STXBP5: variants seen among roughly 807,000 people sequenced by gnomAD.
STXBP5 encodes syntaxin binding protein 5, also known as syntaxin-binding protein 5.
Under a neutral mutation model 152.4 loss-of-function variants are expected in STXBP5, and 50 were observed. That is an observed-to-expected ratio of 0.33 (90% CI 0.26 to 0.42). The LOEUF (loss-of-function observed/expected upper bound fraction) is 0.42, where lower values mean the gene tolerates loss of function less well. Among genes scored for constraint, STXBP5 ranks in the 10% least tolerant of loss-of-function variants. The pLI, the probability that STXBP5 is intolerant of heterozygous loss-of-function variation, is 1.00. For synonymous variants in STXBP5, 492 were observed against 494.7 expected (o/e 0.99, Z 0.07); for missense variants, 1,167 against 1,388.6 (o/e 0.84, Z 2.54).
At chr6:147,209,254 G>A (rs551659373) in intron 2 of STXBP5, among the ~76,000 whole-genome samples, 13 of 152,104 alleles carry the variant, frequency 8.5e-5, no homozygotes, top group Admixed American at 3.9e-4. Flanking sequence ...AATTATTATC[G>A]AAGAACCTCA....
rs556809898 is a variant in STXBP5, at chr6:147,273,334, A to T, written c.715-4747A>T. On this transcript the variant is annotated intron_variant, in intron 7 of 27. Transcript: ENST00000321680. ...AGCTATGATCACAACACTGCATTCC[A>T]GCCCTGGTGACAGAGCAAGACCCTG... Among the ~76,000 whole-genome samples the T allele has an allele frequency of 3.9e-5, 6 of 152,268 alleles. No individual in the cohort carries two copies. The East Asian group carries it at 7.7e-4, about 20-fold the overall frequency.
chr6:147,272,372 C>T (rs1469762485), intron 7 of STXBP5, among the ~76,000 whole-genome samples: 1 of 152,102 alleles, frequency 6.6e-6, no homozygotes, highest in African/African-American at 2.4e-5. Context: ...CGTTAATATT[C>T]AAAATGAAAA....
chr6:147,327,217 C>G lies in STXBP5; in HGVS notation c.2021C>G (p.Ser674Cys). Residue 674 changes from serine (S) to cysteine (C), a missense_variant, in exon 18 of 28, where the codon TCT (serine) becomes TGT (cysteine). Ser to Cys is a moderately radical substitution (Grantham distance 112). Coordinates refer to ENST00000321680, the MANE Select transcript of STXBP5 (RefSeq NM_001127715.4). ...CTGGGCACTATTGAATTATATGGCT[C>G]TAATGATCCTTATCGGAGAGAACCC... Reference protein sequence around the residue: ...LNLGTIELYGSNDPYRREPRS... With the variant: ...LNLGTIELYGCNDPYRREPRS... 6.2e-7 allele frequency: 1 copy of G among 1,614,070 alleles called. No homozygotes were observed. The highest frequency in any genetic ancestry group is 8.5e-7 in the Non-Finnish European group (1 of 1,179,996).
Position 147,364,160 on chromosome 6 carries a change from T to C in STXBP5, c.3075T>C (p.Asn1025=). ...CTTATAGTCAAGAGACCTGTGAAAATCTTCAGGTAATTAATAAAAATATTA... is the reference window on the plus strand; with the variant it reads ...CTTATAGTCAAGAGACCTGTGAAAACCTTCAGGTAATTAATAAAAATATTA... ...RLTYSQETCE[N]LQEMLGELFT... is the part of the protein sequence containing the mutation. The change falls in exon 25 of 28, where the codon AAT becomes AAC. Residue 1025 remains asparagine (N), a synonymous_variant. Transcript: ENST00000321680. The C allele has an allele frequency of 6.2e-7, 1 of 1,611,430 alleles. No homozygotes were observed. Among genetic ancestry groups the C allele is most frequent in the Non-Finnish European group, 8.5e-7 (1 of 1,179,116 alleles).
intron 8 of STXBP5, among the ~76,000 whole-genome samples, chr6:147,278,551 A>G (rs1240234413): frequency 2.0e-5 from 3 of 152,184 alleles, no homozygotes; most frequent in East Asian, 1.9e-4. Flanking sequence ...TGTCAGTTGC[A>G]GGTTGTTAAT....
intron 17 of STXBP5, among the ~76,000 whole-genome samples, chr6:147,325,914 AT>A: frequency 6.6e-6 from 1 of 152,362 alleles, no homozygotes; most frequent in African/African-American, 2.4e-5. Flanking sequence ...ATTAAAAAAA[AT>A]TTTTAAATAC....
chr6:147,263,418 C>G (rs1779739777), intron 6 of STXBP5, among the ~76,000 whole-genome samples: 1 of 148,872 alleles, frequency 6.7e-6, no homozygotes, highest in Non-Finnish European at 1.5e-5. Context: ...TCTTAAACAC[C>G]TGGGCTCAAG....
chr6:147,372,406 C>CT lies in STXBP5; in HGVS notation c.3082-1325_3082-1324insT, dbSNP rs1583009383. Among the ~76,000 whole-genome samples the CT allele has an allele frequency of 4.5e-3, 175 of 39,104 alleles. 79 individuals carry two copies. In the Middle Eastern group the frequency reaches 0.081, roughly 18 times the overall value. 25.7% of individuals were successfully genotyped at this position (39,104 alleles called of 152,430 possible). On this transcript the variant is annotated intron_variant, in intron 25 of 27. Transcript: ENST00000321680. ...ATATAAATGTTACTACCGTCCTTTT[C>CT]CTTTTTTTTTTTTTTTTTTTTTTTT...
chr6:147,335,411 G>A (rs1239131081), intron 19 of STXBP5, among the ~76,000 whole-genome samples: 2 of 152,074 alleles, frequency 1.3e-5, no homozygotes, highest in African/African-American at 4.8e-5. Flanking sequence ...AAATGCATTT[G>A]TCAATATGTT....
chr6:147,292,560 TTTTA>T (rs1438440829), intron 9 of STXBP5: 2 of 154,050 alleles, frequency 1.3e-5, no homozygotes, highest in Non-Finnish European at 1.4e-5. Flanking sequence ...ACCAATTGAT[TTTTA>T]TTTGTTACAT....
intron 13 of STXBP5, 49 bp downstream of exon 13, chr6:147,314,380 AATTG>A (rs1483098474): frequency 6.7e-7 from 1 of 1,502,568 alleles, no homozygotes; most frequent in East Asian, 2.3e-5. Flanking sequence ...AGCTAAATAT[AATTG>A]ATTGAGACTA....
intron 23 of STXBP5, among the ~76,000 whole-genome samples, chr6:147,361,180 C>T (rs1785048687): frequency 6.6e-6 from 1 of 152,006 alleles, no homozygotes; most frequent in Non-Finnish European, 1.5e-5. Flanking sequence ...TTTGGGGTTA[C>T]TTTTATTTTC....
intron 9 of STXBP5, among the ~76,000 whole-genome samples, chr6:147,303,852 T>C (rs1304601362): frequency 6.6e-6 from 1 of 152,194 alleles, no homozygotes; most frequent in African/African-American, 2.4e-5. Flanking sequence ...TACTGTGCTT[T>C]AGCAAAGAGA....
rs1786360474 is a variant in STXBP5 at position 147,386,804 on chromosome 6, A to T, written c.*2049A>T. ...ATGGATTTGAAGAAGTTGGGAAAGC[A>T]TTATGTAGATTAATATACTGGTTGG... is the stretch of plus-strand genomic sequence containing the variant. On this transcript the variant is annotated 3_prime_UTR_variant, in exon 28 of 28. Coordinates refer to ENST00000321680, the MANE Select transcript of STXBP5 (RefSeq NM_001127715.4). The T allele has an allele frequency of 6.6e-6, 1 of 151,794 alleles. No homozygotes were observed. The highest frequency in any genetic ancestry group is 1.5e-5 in the Non-Finnish European group (1 of 67,772). The allele number at this position is 151,794 out of a possible 1,614,324, so 9.4% of individuals were successfully genotyped here.
At chr6:147,228,591 T>C (rs956120742) in intron 2 of STXBP5, among the ~76,000 whole-genome samples, 2 of 152,114 alleles carry the variant, frequency 1.3e-5, no homozygotes, top group Non-Finnish European at 2.9e-5. Context: ...TCCTTTGTTT[T>C]CTCTTGTTGG....
intron 4 of STXBP5, among the ~76,000 whole-genome samples, chr6:147,256,501 A>G (rs1481503370): frequency 1.3e-5 from 2 of 152,046 alleles, no homozygotes; most frequent in South Asian, 2.1e-4. Context: ...TTTTTCCCAG[A>G]TATAGGTACC....
intron 9 of STXBP5, among the ~76,000 whole-genome samples, chr6:147,307,757 C>T (rs1036206040): frequency 1.3e-5 from 2 of 152,148 alleles, no homozygotes; most frequent in African/African-American, 4.8e-5. Flanking sequence ...ACCTTGGTGA[C>T]AGGTCAGTTG....
chr6:147,343,144 T>G (rs1784166480), intron 21 of STXBP5, among the ~76,000 whole-genome samples: 1 of 152,110 alleles, frequency 6.6e-6, no homozygotes, highest in Non-Finnish European at 1.5e-5. Context: ...ACCTCCTAAA[T>G]TCTAGACACT....
intron 9 of STXBP5, among the ~76,000 whole-genome samples, chr6:147,308,301 G>A (rs1482547855): frequency 6.6e-6 from 1 of 152,174 alleles, no homozygotes; most frequent in Non-Finnish European, 1.5e-5. Context: ...CTGAGAGGTT[G>A]AAACACTGAA....
Sources: allele counts gnomAD v4.1 joint callset (sites outside exome capture counted in the v4.1 genomes callset), GRCh38; gene constraint gnomAD v4.1.1; transcripts MANE v1.5; gene names NCBI Gene and HGNC (gene_info 2026-07-23, HGNC 2026-07-21).